The following IFT80 variants were observed in gnomAD, a reference collection of about 807,000 sequenced individuals.
IFT80 encodes intraflagellar transport 80.
Under a neutral mutation model 107.9 loss-of-function variants are expected in IFT80, and 79 were observed. That is an observed-to-expected ratio of 0.73 (90% CI 0.61 to 0.88). The LOEUF is 0.88. IFT80 is among the 40% of genes least tolerant of loss of function. The pLI is 0.00. For synonymous variants in IFT80, 299 were observed against 300.9 expected (o/e 0.99, Z 0.07); for missense variants, 797 against 914.2 (o/e 0.87, Z 1.65).
intron 9 of IFT80, 37 bp from the exon 10 acceptor site, chr3:160,307,818 A>AACATATCC (rs1186620145): frequency 9.6e-7 from 1 of 1,045,612 alleles, no homozygotes; most frequent in Non-Finnish European, 1.5e-6. Flanking sequence ...TAAACATTAT[A>AACATATCC]ACATATCCAA....
At chr3:160,303,687 C>T (rs1049235921) in intron 11 of IFT80, among the ~76,000 whole-genome samples, 167 of 152,060 alleles carry the variant, frequency 1.1e-3, no homozygotes, top group Non-Finnish European at 1.9e-3. Context: ...CACATATAAC[C>T]CTGAATAATT....
intron 4 of IFT80, among the ~76,000 whole-genome samples, chr3:160,376,474 A>G (rs1712035783): frequency 6.6e-6 from 1 of 152,232 alleles, no homozygotes; most frequent in Non-Finnish European, 1.5e-5. Context: ...TACAAGTAAG[A>G]GAAGGGCCAA....
chr3:160,277,787 G>A, intron 16 of IFT80, 117 bp from the exon 17 acceptor site: 3 of 716,102 alleles, frequency 4.2e-6, no homozygotes, highest in Non-Finnish European at 7.3e-6. Flanking sequence ...AAAAATTACT[G>A]AGCAGGGCAT....
chr3:160,334,493 T>G (rs1172156931), intron 8 of IFT80, among the ~76,000 whole-genome samples: 1 of 150,986 alleles, frequency 6.6e-6, no homozygotes, highest in Admixed American at 6.6e-5. Flanking sequence ...CTCAGCTCAC[T>G]GCAACCTCCG....
intron 13 of IFT80, among the ~76,000 whole-genome samples, chr3:160,285,096 TG>T (rs1714986637): frequency 6.6e-6 from 1 of 152,074 alleles, no homozygotes; most frequent in Non-Finnish European, 1.5e-5. Flanking sequence ...CCTAGAACTT[TG>T]GGGGTCTGAG....
rs114591798 is a variant in IFT80, at chr3:160,312,072, C to A, written c.958-4291G>T. Among the ~76,000 whole-genome samples, 3 of 152,280 alleles carry A rather than the reference C, an allele frequency of 2.0e-5. No homozygotes were observed. In the East Asian group the frequency reaches 5.8e-4, roughly 29 times the overall value. Reference sequence around the variant, plus strand: ...CTGGGATTACAGGCATGAGCTACAGCGCCCGGCCAGTAGTCAGCTGTTGTT... The same window carrying A: ...CTGGGATTACAGGCATGAGCTACAGAGCCCGGCCAGTAGTCAGCTGTTGTT... On this transcript the variant is annotated intron_variant, in intron 9 of 19. Coordinates refer to ENST00000326448, the MANE Select transcript of IFT80 (RefSeq NM_020800.3).
At chr3:160,328,237 G>A (rs1267503959) in intron 8 of IFT80, among the ~76,000 whole-genome samples, 1 of 151,892 alleles carries the variant, frequency 6.6e-6, no homozygotes, top group Non-Finnish European at 1.5e-5. Context: ...TGAGGCGGGT[G>A]GATCACTTGA....
chr3:160,388,586 AT>A (rs1713121665), intron 1 of IFT80, among the ~76,000 whole-genome samples: 1 of 148,698 alleles, frequency 6.7e-6, no homozygotes, highest in Non-Finnish European at 1.5e-5. Flanking sequence ...TATGTAACAT[AT>A]AAGTATATTA....
Position 160,319,792 on chromosome 3 carries a change from G to A in IFT80, c.925C>T (p.Gln309Ter), listed in dbSNP as rs1718072408. Residue 309 changes from glutamine (Q) to a stop codon, truncating the protein, a stop_gained, in exon 9 of 20, where the codon CAA becomes TAA. Transcript: ENST00000326448. LOFTEE classifies it high-confidence loss of function. The part of the protein sequence containing the change: ...VEQHWEWKNF[Q>*]VTLTKRRAMQ... ...GCTCTTCTTTTCGTTAATGTTACTT[G>A]AAAATTTTTCCACTCCCAATGTTGT... The A allele has an allele frequency of 6.2e-7, 1 of 1,612,806 alleles. No individual in the cohort carries two copies. Among genetic ancestry groups the A allele is most frequent in the South Asian group, 1.1e-5 (1 of 91,046 alleles).
intron 5 of IFT80, among the ~76,000 whole-genome samples, chr3:160,375,595 A>G (rs939626862): frequency 6.6e-6 from 1 of 152,078 alleles, no homozygotes; most frequent in Non-Finnish European, 1.5e-5. Context: ...GCCCTTGAGT[A>G]TTTCCTATAT....
At chr3:160,346,643 T>C (rs904008571) in intron 8 of IFT80, among the ~76,000 whole-genome samples, 19 of 152,092 alleles carry the variant, frequency 1.2e-4, no homozygotes, top group African/African-American at 4.3e-4. Context: ...GTCTATTTAC[T>C]GACTTTTCCA....
At chr3:160,288,806 T>TG (rs1715306379) in intron 12 of IFT80, among the ~76,000 whole-genome samples, 1 of 151,670 alleles carries the variant, frequency 6.6e-6, no homozygotes, top group Non-Finnish European at 1.5e-5. Flanking sequence ...AGTCAAAAAA[T>TG]AACAGATGCT....
chr3:160,277,747 A>G, intron 16 of IFT80, 77 bp from the exon 17 acceptor site: 1 of 871,516 alleles, frequency 1.1e-6, no homozygotes, highest in Non-Finnish European at 1.9e-6. Context: ...TTAAATACTC[A>G]TACTAAAATG....
At chr3:160,368,086 A>G (rs1721993258) in intron 5 of IFT80, among the ~76,000 whole-genome samples, 1 of 151,992 alleles carries the variant, frequency 6.6e-6, no homozygotes, top group South Asian at 2.1e-4. Context: ...TGAATGAATC[A>G]TTAAGGAATT....
At chr3:160,314,487 A>T (rs1250860487) in intron 9 of IFT80, among the ~76,000 whole-genome samples, 1 of 152,214 alleles carries the variant, frequency 6.6e-6, no homozygotes, top group African/African-American at 2.4e-5. Context: ...TGAGGTTCAG[A>T]GAGACGGTAG....
intron 1 of IFT80, among the ~76,000 whole-genome samples, chr3:160,393,302 T>C (rs1010748611): frequency 2.6e-5 from 4 of 152,358 alleles, no homozygotes; most frequent in Admixed American, 6.5e-5. Context: ...TAAATGTTCA[T>C]AGATTTTACA....
chr3:160,325,704 G>A (rs150776861), intron 8 of IFT80, among the ~76,000 whole-genome samples: 20 of 152,096 alleles, frequency 1.3e-4, no homozygotes, highest in Admixed American at 1.2e-3. Flanking sequence ...ATCTAAACAC[G>A]AAATTCATTT....
At chr3:160,392,695 G>A (rs1290370987) in intron 1 of IFT80, among the ~76,000 whole-genome samples, 1 of 152,150 alleles carries the variant, frequency 6.6e-6, no homozygotes, top group Non-Finnish European at 1.5e-5. Context: ...CTCTTAACCA[G>A]AATTACTACA....
chr3:160,351,571 A>C (rs1720702046), intron 8 of IFT80, among the ~76,000 whole-genome samples: 1 of 141,354 alleles, frequency 7.1e-6, no homozygotes, highest in South Asian at 2.2e-4. Flanking sequence ...ATATATATAC[A>C]CACATATATT....
Sources: allele counts gnomAD v4.1 joint callset (sites outside exome capture counted in the v4.1 genomes callset), GRCh38; gene constraint gnomAD v4.1.1; transcripts MANE v1.5; gene names NCBI Gene and HGNC (gene_info 2026-07-23, HGNC 2026-07-21).